The following LYPD6B variants were observed in gnomAD, a reference collection of about 807,000 sequenced individuals.
LYPD6B encodes the protein LY6/PLAUR domain containing 6B.
Under a neutral mutation model 22.8 loss-of-function variants are expected in LYPD6B, and 17 were observed. That is an observed-to-expected ratio of 0.75 (90% confidence interval 0.51 to 1.12). LYPD6B has a LOEUF of 1.12. Among genes scored for constraint, LYPD6B ranks in the 50% most tolerant of loss-of-function variants. The pLI is 0.00. For missense variants in LYPD6B, 221 were observed against 258.3 expected (o/e 0.86, Z 0.99); for synonymous variants, 106 against 91.6 (o/e 1.16, Z -0.90).
chr2:149,103,534 T>C (rs929219983), intron 1 of LYPD6B, among the ~76,000 whole-genome samples: 1 of 152,120 alleles, frequency 6.6e-6, no homozygotes, highest in Non-Finnish European at 1.5e-5. Flanking sequence ...GTGTACAGTT[T>C]GCTAAGTTTG....
intron 1 of LYPD6B, among the ~76,000 whole-genome samples, chr2:149,083,313 T>G (rs886256439): frequency 3.9e-5 from 6 of 152,232 alleles, no homozygotes; most frequent in African/African-American, 1.4e-4. Context: ...TACATTACCA[T>G]AATGCAATAT....
At chr2:149,134,055 G>A (rs1216293320) in intron 2 of LYPD6B, among the ~76,000 whole-genome samples, 1 of 152,146 alleles carries the variant, frequency 6.6e-6, no homozygotes, top group African/African-American at 2.4e-5. Flanking sequence ...AGCCAGCAGG[G>A]AAGGGGGCTG....
chr2:149,103,018 C>T (rs1483471301), intron 1 of LYPD6B, among the ~76,000 whole-genome samples: 1 of 152,198 alleles, frequency 6.6e-6, no homozygotes, highest in African/African-American at 2.4e-5. Context: ...TCTTCCCACA[C>T]ATGAATATAC....
At chr2:149,171,078 A>G (rs1690781871) in intron 3 of LYPD6B, among the ~76,000 whole-genome samples, 1 of 152,218 alleles carries the variant, frequency 6.6e-6, no homozygotes, top group Non-Finnish European at 1.5e-5. Flanking sequence ...CTGTCGGGTC[A>G]GTGTGAGATA....
intron 2 of LYPD6B, among the ~76,000 whole-genome samples, chr2:149,143,513 CAAAAAA>C (rs201618713): frequency 1.5e-3 from 190 of 129,768 alleles, no homozygotes; most frequent in African/African-American, 3.6e-3. Context: ...ACATGTGACG[CAAAAAA>C]AAAAAAAAAA....
intron 3 of LYPD6B, chr2:149,205,035 G>A: frequency 2.1e-6 from 1 of 471,048 alleles, no homozygotes; most frequent in Non-Finnish European, 3.7e-6. Flanking sequence ...TTCTGCTAAA[G>A]CCCACCTGGC....
At chr2:149,103,029 T>TGGG (rs1686287528) in intron 1 of LYPD6B, among the ~76,000 whole-genome samples, 1 of 152,208 alleles carries the variant, frequency 6.6e-6, no homozygotes, top group Non-Finnish European at 1.5e-5. Context: ...ATGAATATAC[T>TGGG]TCTATGTACA....
At chr2:149,109,782 G>A (rs1686668659) in intron 1 of LYPD6B, among the ~76,000 whole-genome samples, 1 of 151,946 alleles carries the variant, frequency 6.6e-6, no homozygotes, top group South Asian at 2.1e-4. Flanking sequence ...CATGATCTCG[G>A]CTAACTGCAA....
At chr2:149,075,756 G>A (rs370414084) in intron 1 of LYPD6B, among the ~76,000 whole-genome samples, 5 of 152,160 alleles carry the variant, frequency 3.3e-5, no homozygotes, top group African/African-American at 1.2e-4. Flanking sequence ...TTGTTTTTCT[G>A]TGGTAGATGC....
chr2:149,124,166 A>T (rs1687549112), intron 1 of LYPD6B, among the ~76,000 whole-genome samples: 1 of 152,152 alleles, frequency 6.6e-6, no homozygotes, highest in Non-Finnish European at 1.5e-5. Flanking sequence ...ATATTAAAGA[A>T]TGTCTTGTCC....
At chr2:149,042,826 T>C (rs1683145543) in intron 1 of LYPD6B, among the ~76,000 whole-genome samples, 1 of 152,224 alleles carries the variant, frequency 6.6e-6, no homozygotes, top group African/African-American at 2.4e-5. Context: ...CAGAGCTATA[T>C]GGTCTAAGCA....
chr2:149,140,146 G>T (rs775892361), intron 2 of LYPD6B, among the ~76,000 whole-genome samples: 10 of 152,186 alleles, frequency 6.6e-5, no homozygotes, highest in Non-Finnish European at 1.0e-4. Context: ...ATGTGGGAGG[G>T]ATTGGACAGA....
intron 2 of LYPD6B, among the ~76,000 whole-genome samples, chr2:149,151,174 G>T (rs1689348288): frequency 6.6e-6 from 1 of 152,096 alleles, no homozygotes; most frequent in African/African-American, 2.4e-5. Context: ...CAGTATGAAT[G>T]GGTGGGGCTC....
At chr2:149,131,145 T>G (rs1417245651) in intron 2 of LYPD6B, 192 bp downstream of exon 2, 2 of 499,378 alleles carry the variant, frequency 4.0e-6, no homozygotes, top group Non-Finnish European at 7.0e-6. Flanking sequence ...CTAATCATAT[T>G]GACTTTTTAT....
intron 2 of LYPD6B, among the ~76,000 whole-genome samples, chr2:149,150,198 G>A (rs972629606): frequency 2.0e-5 from 3 of 152,244 alleles, no homozygotes; most frequent in South Asian, 2.1e-4. Context: ...ATCTTCTTGC[G>A]TTAATGTGGA....
chr2:149,126,672 G>A (rs1045645809), intron 1 of LYPD6B, among the ~76,000 whole-genome samples: 47 of 152,160 alleles, frequency 3.1e-4, no homozygotes, highest in African/African-American at 1.1e-3. Context: ...AACCTGTGTC[G>A]TTCAAGGGTC....
chr2:149,145,962 C>T lies in LYPD6B; in HGVS notation c.6-14802C>T, dbSNP rs576882727. On this transcript the variant is annotated intron_variant, in intron 2 of 6. Coordinates refer to ENST00000409642, the MANE Select transcript of LYPD6B (RefSeq NM_177964.5). ...CTTCTGGGCAGAGGAAACATGTGAC[C>T]GGAGGTGAAAACTGGAGAAGATAAG... is the stretch of plus-strand genomic sequence containing the variant. 8.5e-5 allele frequency among the ~76,000 whole-genome samples: 13 copies of T among 152,196 alleles called. 1 individual carries two copies. The highest frequency in any genetic ancestry group is 2.4e-4 in the African/African-American group (10 of 41,522).
chr2:149,145,449 CAG>C (rs1410161763), intron 2 of LYPD6B, among the ~76,000 whole-genome samples: 1 of 152,136 alleles, frequency 6.6e-6, no homozygotes, highest in African/African-American at 2.4e-5. Context: ...TGAGGGAAAA[CAG>C]AAGTGAGACA....
chr2:149,116,130 C>T (rs1211726021), intron 1 of LYPD6B, among the ~76,000 whole-genome samples: 3 of 152,146 alleles, frequency 2.0e-5, no homozygotes, highest in Non-Finnish European at 4.4e-5. Context: ...GAGTATAGTA[C>T]AATAAGATAT....
Sources: allele counts gnomAD v4.1 joint callset (sites outside exome capture counted in the v4.1 genomes callset), GRCh38; gene constraint gnomAD v4.1.1; transcripts MANE v1.5; gene names NCBI Gene and HGNC (gene_info 2026-07-23, HGNC 2026-07-21).